Variants in CACNG2 observed in about 807,000 individuals in gnomAD.
The protein encoded by CACNG2 is calcium voltage-gated channel auxiliary subunit gamma 2.
Under a neutral mutation model 25.9 loss-of-function variants are expected in CACNG2, and 3 were observed. That is an observed-to-expected ratio of 0.12 (90% CI 0.05 to 0.30). The LOEUF is 0.30. Ranked by LOEUF, CACNG2 falls within the 10% of genes least tolerant of loss-of-function variation. The pLI, the probability that CACNG2 is intolerant of heterozygous loss-of-function variation, is 1.00. For synonymous variants in CACNG2, 167 were observed against 173.3 expected, an observed-to-expected ratio of 0.96 and a Z score of 0.29; for missense variants, 341 against 432.5, an observed-to-expected ratio of 0.79 and a Z score of 1.88.
rs1935830804 is a variant in CACNG2 at position 36,606,231 on chromosome 22, ATAAT to A, written c.212-18687_212-18684del. The stretch of plus-strand genomic sequence containing the variant: ...TGAGTCTTGAGAGGACCCTAGACAA[ATAAT>A]TAATGCAGACGACCCAGAATGAAAC... On this transcript the variant is annotated intron_variant, in intron 1 of 3. Transcript: ENST00000300105. This position sits in a 1 kb window ranked among gnomAD's most constrained non-coding sequence, Gnocchi z 5.7. 6.6e-6 allele frequency among the ~76,000 whole-genome samples: 1 copy of A among 152,212 alleles called. No individual in the cohort carries two copies. The highest frequency in any genetic ancestry group is 1.9e-4 in the East Asian group (1 of 5,200).
chr22:36,565,625 C>T (rs928208001), intron 3 of CACNG2, among the ~76,000 whole-genome samples: 2 of 152,116 alleles, frequency 1.3e-5, no homozygotes, highest in South Asian at 4.2e-4. Flanking sequence ...ATTATGTATG[C>T]GTCACCATGC....
chr22:36,625,841 G>A (rs920362559), intron 1 of CACNG2, among the ~76,000 whole-genome samples: 1 of 152,216 alleles, frequency 6.6e-6, no homozygotes, highest in Non-Finnish European at 1.5e-5. Context: ...AGGCAATGCT[G>A]CTTGGGAATT....
At chr22:36,670,360 AT>A (rs1936931316) in intron 1 of CACNG2, among the ~76,000 whole-genome samples, 1 of 152,244 alleles carries the variant, frequency 6.6e-6, no homozygotes, top group African/African-American at 2.4e-5. Context: ...GAAATATAAA[AT>A]ATAAATATAG....
rs377556672 is a variant in CACNG2 at position 36,650,384 on chromosome 22, T to G, written c.211+51982A>C. Among the ~76,000 whole-genome samples, 3 of 152,196 alleles carry G rather than the reference T, an allele frequency of 2.0e-5. No homozygotes were observed. In the East Asian group the frequency reaches 5.8e-4, roughly 29 times the overall value. ...TCCTTGCCATTCTATTTTACTTTTT[T>G]TCTTGAGACGGGGTCTTGCTCTGTT... On this transcript the variant is annotated intron_variant, in intron 1 of 3. Transcript: ENST00000300105.
At chr22:36,686,487 G>A (rs986763576) in intron 1 of CACNG2, among the ~76,000 whole-genome samples, 1 of 152,196 alleles carries the variant, frequency 6.6e-6, no homozygotes, top group Non-Finnish European at 1.5e-5. Flanking sequence ...CATGTAAGAG[G>A]GAGGAAGGCG....
At chr22:36,592,939 C>A (rs1029751227) in intron 1 of CACNG2, among the ~76,000 whole-genome samples, 1 of 152,176 alleles carries the variant, frequency 6.6e-6, no homozygotes, top group African/African-American at 2.4e-5. Context: ...CAGTGGTGTG[C>A]GCCCAGCCCA....
chr22:36,676,969 T>TGTGTGTGTGTGTGTGTGTGTGTGTG (rs58195961), intron 1 of CACNG2, among the ~76,000 whole-genome samples: 2 of 151,090 alleles, frequency 1.3e-5, no homozygotes, highest in African/African-American at 4.9e-5. Context: ...TGTGTGTGTG[T>TGTGTGTGTGTGTGTGTGTGTGTGTG]TTTAAAAATC....
chr22:36,684,601 G>A (rs1424037039), intron 1 of CACNG2, among the ~76,000 whole-genome samples: 9 of 135,296 alleles, frequency 6.7e-5, no homozygotes, highest in Non-Finnish European at 1.2e-4. Flanking sequence ...GGGCAACAGA[G>A]CGAGACCTTG....
At chr22:36,695,824 G>A (rs748263497) in intron 1 of CACNG2, among the ~76,000 whole-genome samples, 12 of 152,110 alleles carry the variant, frequency 7.9e-5, no homozygotes, top group Admixed American at 2.0e-4. Flanking sequence ...CAAGGGCAGT[G>A]ACCCTGAAGG....
At chr22:36,640,579 T>C (rs1324326281) in intron 1 of CACNG2, among the ~76,000 whole-genome samples, 1 of 152,196 alleles carries the variant, frequency 6.6e-6, no homozygotes, top group African/African-American at 2.4e-5. Flanking sequence ...CATCTCGGTT[T>C]CCTCACCTGC....
At chr22:36,637,748 G>A (rs375231533) in intron 1 of CACNG2, among the ~76,000 whole-genome samples, 3 of 152,124 alleles carry the variant, frequency 2.0e-5, no homozygotes, top group African/African-American at 4.8e-5. Flanking sequence ...GGCCAGGTGC[G>A]GTGGCTCACG....
At chr22:36,653,935 T>C (rs1412670826) in intron 1 of CACNG2, among the ~76,000 whole-genome samples, 1 of 135,102 alleles carries the variant, frequency 7.4e-6, no homozygotes, top group Non-Finnish European at 1.6e-5. Context: ...TTTTTTTTTT[T>C]GCTACTCCGG....
chr22:36,567,661 C>T (rs985903845), intron 2 of CACNG2, among the ~76,000 whole-genome samples: 1 of 152,012 alleles, frequency 6.6e-6, no homozygotes, highest in Non-Finnish European at 1.5e-5. Flanking sequence ...GGAGCAGCAC[C>T]TGAATGAGGA....
At chr22:36,646,765 C>T (rs1936530721) in intron 1 of CACNG2, among the ~76,000 whole-genome samples, 1 of 151,476 alleles carries the variant, frequency 6.6e-6, no homozygotes, top group African/African-American at 2.4e-5. Flanking sequence ...CACAACCCCA[C>T]CCTCCCAGCT....
rs374133300 is a variant in CACNG2 at position 36,596,904 on chromosome 22, T to C, written c.212-9356A>G. On this transcript the variant is annotated intron_variant, in intron 1 of 3. Transcript: ENST00000300105. ...TCCCGGGTAGCTGTGACTACAGGCATGTGCCCAGCTAATTTTTGAATTTTT... is the reference window on the plus strand; with the variant it reads ...TCCCGGGTAGCTGTGACTACAGGCACGTGCCCAGCTAATTTTTGAATTTTT... 7.8e-4 allele frequency among the ~76,000 whole-genome samples: 118 copies of C among 152,080 alleles called. 2 individuals carry two copies. The East Asian group carries it at 0.021, about 27-fold the overall frequency.
At chr22:36,639,188 G>C (rs892515941) in intron 1 of CACNG2, among the ~76,000 whole-genome samples, 3 of 152,204 alleles carry the variant, frequency 2.0e-5, no homozygotes, top group East Asian at 3.8e-4. Flanking sequence ...CCTCTATCAA[G>C]TGGAGCCAAC....
intron 1 of CACNG2, among the ~76,000 whole-genome samples, chr22:36,592,637 C>T (rs1032402481): frequency 2.0e-5 from 3 of 152,062 alleles, no homozygotes; most frequent in Admixed American, 6.6e-5. Context: ...CCCAAATCAC[C>T]GATTGGTTTT....
chr22:36,677,849 T>C (rs1170075086), intron 1 of CACNG2, among the ~76,000 whole-genome samples: 1 of 152,224 alleles, frequency 6.6e-6, no homozygotes, highest in South Asian at 2.1e-4. Flanking sequence ...TTGAAGATAG[T>C]TCTATTCAAC....
In CACNG2 at chr22:36,587,560, G is replaced by T. The variant is rs146357556; in HGVS notation, c.212-12C>A. On this transcript the variant is annotated splice_polypyrimidine_tract_variant and intron_variant, in intron 1 of 3. Coordinates refer to ENST00000300105, the MANE Select transcript of CACNG2 (RefSeq NM_006078.5). The stretch of plus-strand genomic sequence containing the variant: ...ACCTTTGAAATTCCCTGCAAAACAA[G>T]GGGAGAAGGAGCACATGAAACATCA... 6,328 of 1,595,580 alleles carry T rather than the reference G, an allele frequency of 4.0e-3. 21 individuals are homozygous for T. Among genetic ancestry groups the T allele is most frequent in the Non-Finnish European group, 4.6e-3 (5,383 of 1,162,958 alleles).
Sources: gnomAD v4.1 joint callset for allele counts (sites outside exome capture counted in the v4.1 genomes callset) on GRCh38, gnomAD v4.1.1 for gene constraint, Gnocchi (gnomAD v3.1) non-coding constraint, MANE v1.5 for transcripts, NCBI Gene and HGNC (gene_info 2026-07-23, HGNC 2026-07-21) for gene names.